The following MPP4 variants were observed in gnomAD, a reference collection of about 807,000 sequenced individuals.
MPP4 encodes MAGUK p55 scaffold protein 4.
In MPP4, 91 loss-of-function variants were observed where a neutral mutation model predicts 98.3. The observed-to-expected ratio is 0.93, with a 90% CI of 0.78 to 1.10. The LOEUF is 1.10. MPP4 is among the 50% of genes least tolerant of loss of function. The pLI, the probability that MPP4 is intolerant of heterozygous loss-of-function variation, is 0.00. For missense variants in MPP4, 744 were observed against 792.9 expected (o/e 0.94, Z 0.74); for synonymous variants, 261 against 271.8 (o/e 0.96, Z 0.39).
chr2:201,665,117 G>A (rs1208246145), intron 13 of MPP4: 1 of 150,958 alleles, frequency 6.6e-6, no homozygotes, highest in Non-Finnish European at 1.5e-5. Flanking sequence ...CCAGGCTGGA[G>A]TGCAGTGGCG....
chr2:201,675,909 G>A (rs551793091), intron 10 of MPP4, among the ~76,000 whole-genome samples: 5 of 152,238 alleles, frequency 3.3e-5, no homozygotes, highest in African/African-American at 9.6e-5. Flanking sequence ...AGAAGATTTC[G>A]AAGACACTCT....
chr2:201,651,273 T>C (rs1197049746), intron 18 of MPP4: 2 of 985,306 alleles, frequency 2.0e-6, no homozygotes, highest in Non-Finnish European at 2.4e-6. Context: ...TAAAAGCAAA[T>C]GTCATCTTGG....
chr2:201,669,500 G>C (rs555387542), intron 12 of MPP4, among the ~76,000 whole-genome samples: 1 of 152,236 alleles, frequency 6.6e-6, no homozygotes, highest in African/African-American at 2.4e-5. Context: ...ATTCCTCTCA[G>C]TGTTAGGACA....
intron 11 of MPP4, among the ~76,000 whole-genome samples, chr2:201,672,351 G>A (rs1688366183): frequency 6.6e-6 from 1 of 152,018 alleles, no homozygotes; most frequent in Non-Finnish European, 1.5e-5. Context: ...AGAAGCAAGA[G>A]CAAACAAATT....
intron 10 of MPP4, among the ~76,000 whole-genome samples, chr2:201,677,068 CTG>C (rs1485489797): frequency 1.3e-5 from 2 of 152,270 alleles, no homozygotes; most frequent in Non-Finnish European, 2.9e-5. Flanking sequence ...CTGTAAATAT[CTG>C]TGTTTCCTGT....
chr2:201,651,011 C>T (rs750834822), intron 18 of MPP4: 38 of 984,752 alleles, frequency 3.9e-5, no homozygotes, highest in Middle Eastern at 5.2e-4. Context: ...TTCCAGGTAT[C>T]ATGTTAGGTT....
chr2:201,692,564 G>T lies in MPP4; in HGVS notation c.201+344C>A, dbSNP rs931952117. ...GTCTCAAAAAAAAAAAAAAAAAATAGGTAAGGTCTTTGGGAGCCGATAGGT... is the reference window on the plus strand; with the variant it reads ...GTCTCAAAAAAAAAAAAAAAAAATATGTAAGGTCTTTGGGAGCCGATAGGT... On this transcript the variant is annotated intron_variant, in intron 3 of 21. Coordinates refer to ENST00000409474, the MANE Select transcript of MPP4 (RefSeq NM_033066.3). Among the ~76,000 whole-genome samples the T allele has an allele frequency of 1.0e-4, 15 of 145,982 alleles. No individual in the cohort carries two copies. The East Asian group carries it at 3.0e-3, about 30-fold the overall frequency.
intron 16 of MPP4, among the ~76,000 whole-genome samples, chr2:201,657,619 G>GTTTTTTT (rs1687894002): frequency 1.9e-5 from 1 of 51,614 alleles, no homozygotes; most frequent in Non-Finnish European, 4.4e-5. Context: ...GTTTTTTTTT[G>GTTTTTTT]CTTATTGTAT....
At chr2:201,655,724 A>C (rs960990518) in intron 17 of MPP4, among the ~76,000 whole-genome samples, 1 of 152,222 alleles carries the variant, frequency 6.6e-6, no homozygotes, top group Non-Finnish European at 1.5e-5. Flanking sequence ...GATCTTTATA[A>C]AGCACCAAAG....
intron 10 of MPP4, chr2:201,680,500 A>G (rs780804094): frequency 5.1e-5 from 10 of 196,188 alleles, no homozygotes; most frequent in Non-Finnish European, 8.5e-5. Context: ...CCACCTGCTA[A>G]AGGCCCCGCC....
chr2:201,681,348 C>T (rs1235161173), intron 9 of MPP4, 148 bp downstream of exon 9: 3 of 707,040 alleles, frequency 4.2e-6, no homozygotes, highest in African/African-American at 1.8e-5. Context: ...TATTTTGCTT[C>T]TCGGGCCATC....
intron 20 of MPP4, 126 bp downstream of exon 20, chr2:201,649,450 G>A: frequency 1.5e-6 from 1 of 660,844 alleles, no homozygotes. Context: ...CTTATATATG[G>A]GAAATGGCCT....
intron 11 of MPP4, among the ~76,000 whole-genome samples, chr2:201,671,231 C>T (rs1453334015): frequency 1.3e-5 from 2 of 152,216 alleles, no homozygotes; most frequent in Admixed American, 6.5e-5. Context: ...GTTTGCTCCC[C>T]TGGAAAAGGG....
At chr2:201,665,113 T>G (rs1272246228) in intron 13 of MPP4, 2 of 148,648 alleles carry the variant, frequency 1.3e-5, no homozygotes, top group East Asian at 4.2e-4. Flanking sequence ...TCGCCCAGGC[T>G]GGAGTGCAGT....
At chr2:201,645,552 G>A in intron 21 of MPP4, 148 bp from the exon 22 acceptor site, 1 of 564,432 alleles carries the variant, frequency 1.8e-6, no homozygotes, top group South Asian at 4.0e-5. Flanking sequence ...TTTCAATAAA[G>A]TTTCAAAAAT....
At chr2:201,693,152 C>G in intron 2 of MPP4, 123 bp from the exon 3 acceptor site, 1 of 1,125,618 alleles carries the variant, frequency 8.9e-7, no homozygotes, top group African/African-American at 1.6e-5. Flanking sequence ...GATCTCAGGC[C>G]AAAAGATCTG....
At chr2:201,679,887 C>T (rs1050583420) in intron 10 of MPP4, among the ~76,000 whole-genome samples, 3 of 152,214 alleles carry the variant, frequency 2.0e-5, no homozygotes, top group African/African-American at 7.2e-5. Context: ...GGCCCCACTT[C>T]TCCACTGAAA....
intron 11 of MPP4, 94 bp from the exon 12 acceptor site, chr2:201,669,844 T>C (rs1019757490): frequency 3.0e-6 from 3 of 1,006,818 alleles, no homozygotes; most frequent in Non-Finnish European, 3.9e-6. Context: ...AGAAATGTAA[T>C]GTGCAAAAAT....
At chr2:201,680,359 G>GC (rs57004638) in intron 10 of MPP4, 153,971 of 153,972 alleles carry the variant, frequency 1, 76,985 homozygotes, top group Non-Finnish European at 1. Context: ...TCTGGCGAGG[G>GC]CCACTCCGTG....
Sources: allele counts gnomAD v4.1 joint callset (sites outside exome capture counted in the v4.1 genomes callset), GRCh38; gene constraint gnomAD v4.1.1; transcripts MANE v1.5; gene names NCBI Gene and HGNC (gene_info 2026-07-23, HGNC 2026-07-21).